MTG1: variants seen among roughly 807,000 people sequenced by gnomAD.
MTG1 encodes mitochondrial ribosome associated GTPase 1.
A neutral mutation model predicts 39.5 loss-of-function variants in MTG1; 30 were observed. The ratio of observed to expected loss-of-function variants is 0.76; its 90% CI spans 0.57 to 1.03. The LOEUF is 1.03. Among genes scored for constraint, MTG1 ranks in the 50% least tolerant of loss-of-function variants. The pLI is 0.00. For missense variants in MTG1, 513 were observed against 447.4 expected (o/e 1.15, Z -1.32); for synonymous variants, 217 against 179.0 (o/e 1.21, Z -1.69).
At chr10:133,394,406 G>T in intron 1 of MTG1, 74 bp downstream of exon 1, 1 of 1,354,392 alleles carries the variant, frequency 7.4e-7, no homozygotes, top group South Asian at 1.6e-5. Context: ...CCCCGGTTTC[G>T]GCCGTCGCCT....
chr10:133,404,285 C>T (rs1849936102), intron 9 of MTG1, among the ~76,000 whole-genome samples: 2 of 152,008 alleles, frequency 1.3e-5, no homozygotes, highest in East Asian at 3.9e-4. Flanking sequence ...TGCCACCACA[C>T]ATAGCTGATT....
In MTG1 at chr10:133,411,329, C is replaced by T. The variant is rs76757089; in HGVS notation, c.753-8151C>T. Among the ~76,000 whole-genome samples the T allele has an allele frequency of 2.1e-3, 320 of 152,238 alleles. 1 individual carries two copies. The highest frequency in any genetic ancestry group is 7.1e-3 in the African/African-American group (296 of 41,538). ...AGCTCTTTTATAAATATATTTGCTGCTTTTCTCTTACTACTTGTACTACTT... is the reference window on the plus strand; with the variant it reads ...AGCTCTTTTATAAATATATTTGCTGTTTTTCTCTTACTACTTGTACTACTT... On this transcript the variant is annotated intron_variant, in intron 9 of 10. Coordinates refer to ENST00000317502, the MANE Select transcript of MTG1 (RefSeq NM_138384.4).
chr10:133,401,923 A>G, intron 7 of MTG1: 1 of 605,604 alleles, frequency 1.7e-6, no homozygotes, highest in Non-Finnish European at 2.9e-6. Flanking sequence ...TTGGGAGCAG[A>G]AGACAAGCTG....
intron 1 of MTG1, chr10:133,394,580 C>T (rs980271992): frequency 2.3e-6 from 3 of 1,321,894 alleles, no homozygotes; most frequent in Non-Finnish European, 2.9e-6. Flanking sequence ...GACCCAGGGC[C>T]TGCTTGACCT....
chr10:133,408,917 A>T, intron 9 of MTG1, among the ~76,000 whole-genome samples: 1 of 149,864 alleles, frequency 6.7e-6, no homozygotes, highest in South Asian at 2.1e-4. Flanking sequence ...TACTGATTTT[A>T]TTTATTTTGA....
chr10:133,396,128 A>G (rs1849779701), intron 2 of MTG1, 35 bp from the exon 3 acceptor site: 1 of 1,602,206 alleles, frequency 6.2e-7, no homozygotes, highest in South Asian at 1.1e-5. Context: ...TTGGCTGGTA[A>G]AGCTTTGGAG....
Position 133,420,155 on chromosome 10 carries a change from C to G in MTG1, c.995C>G (p.Thr332Ser). Residue 332 changes from threonine (T) to serine (S), a missense_variant, in exon 11 of 11, where the codon ACT becomes AGT. Thr to Ser is a moderately conservative substitution (Grantham distance 58). Transcript: ENST00000317502. The part of the protein sequence containing the change: ...DVLRGHPPAE[T>S]LP ...CTGCGGGGCCACCCCCCGGCTGAGA[C>G]TTTGCCCTGAACTTGTCCGGGTAGG... is the stretch of plus-strand genomic sequence containing the variant. 1 of 1,610,714 alleles carries G rather than the reference C, an allele frequency of 6.2e-7. No individual in the cohort carries two copies. The highest frequency in any genetic ancestry group is 8.5e-7 in the Non-Finnish European group (1 of 1,178,490).
chr10:133,402,537 C>A lies in MTG1; in HGVS notation c.671-155C>A. 2.7e-6 allele frequency: 2 copies of A among 751,060 alleles called. No individual in the cohort carries two copies. The highest frequency in any genetic ancestry group is 2.6e-5 in the Admixed American group (1 of 37,954). 46.5% of individuals were successfully genotyped at this position (751,060 alleles called of 1,614,324 possible). A position where few individuals can be genotyped will look rare whatever the true frequency, so the allele number is the denominator to read the frequency against. On this transcript the variant is annotated intron_variant, in intron 8 of 10. Coordinates refer to ENST00000317502, the MANE Select transcript of MTG1 (RefSeq NM_138384.4). This position sits in a 1 kb window ranked among gnomAD's most constrained non-coding sequence, Gnocchi z 4.7. ...CAGGAGTGGGGGCCGGGACCACAGC[C>A]GAGTGCCGTCCTCTTGGTTAGTGTC...
At chr10:133,401,612 C>T in intron 7 of MTG1, 22 bp downstream of exon 7, 1 of 1,613,014 alleles carries the variant, frequency 6.2e-7, no homozygotes, top group Non-Finnish European at 8.5e-7. Flanking sequence ...AGGGGCCAGG[C>T]CCAGCACTCT....
intron 9 of MTG1, among the ~76,000 whole-genome samples, chr10:133,404,431 A>G (rs1180643542): frequency 6.6e-6 from 1 of 151,996 alleles, no homozygotes; most frequent in Non-Finnish European, 1.5e-5. Flanking sequence ...CCAGCCTGTA[A>G]CCTTTTTCTA....
At chr10:133,401,114 T>C (rs1225189987) in intron 6 of MTG1, among the ~76,000 whole-genome samples, 2 of 152,202 alleles carry the variant, frequency 1.3e-5, no homozygotes, top group Non-Finnish European at 2.9e-5. Context: ...GGAGGCAGGC[T>C]GACCTTGGGG....
intron 4 of MTG1, among the ~76,000 whole-genome samples, chr10:133,398,921 C>T (rs1013902241): frequency 2.0e-5 from 3 of 152,182 alleles, no homozygotes; most frequent in African/African-American, 7.2e-5. Flanking sequence ...AGTCTGACAT[C>T]TGTGACCTGG....
At chr10:133,395,825 A>G in intron 2 of MTG1, 48 bp downstream of exon 2, 3 of 1,580,662 alleles carry the variant, frequency 1.9e-6, no homozygotes, top group Non-Finnish European at 2.6e-6. Flanking sequence ...AAGTCATATT[A>G]CACATTAGAA....
chr10:133,408,062 T>G (rs1486526522), intron 9 of MTG1, among the ~76,000 whole-genome samples: 2 of 152,262 alleles, frequency 1.3e-5, no homozygotes, highest in African/African-American at 4.8e-5. Context: ...CTGTTATTTC[T>G]TTCTCTTGCC....
At chr10:133,411,319 A>AT (rs1475271702) in intron 9 of MTG1, among the ~76,000 whole-genome samples, 1 of 152,008 alleles carries the variant, frequency 6.6e-6, no homozygotes, top group Non-Finnish European at 1.5e-5. Context: ...TTTTATAAAT[A>AT]TATTTGCTGC....
chr10:133,404,117 C>T, intron 9 of MTG1, among the ~76,000 whole-genome samples: 3 of 131,638 alleles, frequency 2.3e-5, no homozygotes, highest in Admixed American at 7.7e-5. Flanking sequence ...TTCCTTATTG[C>T]TAAGTTTTAA....
chr10:133,394,400 G>A, intron 1 of MTG1, 68 bp downstream of exon 1: 2 of 1,361,954 alleles, frequency 1.5e-6, no homozygotes, highest in Non-Finnish European at 1.9e-6. Flanking sequence ...CTCCCACCCC[G>A]GTTTCGGCCG....
In MTG1 at chr10:133,402,796, A is replaced by C; in HGVS notation, c.752+23A>C. ...TGGGTGAGTGCAGTGAATGCAGGGC[A>C]GCTGGGGCCCCTCCTCCTAGTCACC... On this transcript the variant is annotated intron_variant, in intron 9 of 10. Transcript: ENST00000317502. The surrounding 1 kb of genome is among the most constrained non-coding windows in gnomAD (Gnocchi z 4.7). 33 of 1,560,862 alleles carry C rather than the reference A, an allele frequency of 2.1e-5. No individual in the cohort carries two copies. The highest frequency in any genetic ancestry group is 2.9e-5 in the Non-Finnish European group (33 of 1,152,186).
rs144950103 is a variant in MTG1 at position 133,420,030 on chromosome 10, C to T, written c.870C>T (p.Asn290=). ...CTGAACCCTCCCGTCCCCCAGGTAACGTGAACATTATTCAGCCTAACTATC... is the reference window on the plus strand; with the variant it reads ...CTGAACCCTCCCGTCCCCCAGGTAATGTGAACATTATTCAGCCTAACTATC... ...QKVKVLTGTG[N]VNIIQPNYPA... The change falls in exon 11 of 11, where the codon AAC becomes AAT. Residue 290 remains asparagine, a synonymous_variant. Transcript: ENST00000317502. The T allele has an allele frequency of 2.4e-5, 38 of 1,609,002 alleles. No homozygotes were observed. The highest frequency in any genetic ancestry group is 3.3e-4 in the Middle Eastern group (2 of 6,062).
Sources: allele counts gnomAD v4.1 joint callset (sites outside exome capture counted in the v4.1 genomes callset), GRCh38; gene constraint gnomAD v4.1.1; non-coding constraint Gnocchi (gnomAD v3.1); transcripts MANE v1.5; gene names NCBI Gene and HGNC (gene_info 2026-07-23, HGNC 2026-07-21).